DOK6: variants seen among roughly 807,000 people sequenced by gnomAD.
DOK6 encodes the protein downstream of tyrosine kinase 6.
DOK6 carries 22 observed loss-of-function variants against 44.0 expected under a neutral mutation model. The observed-to-expected ratio is 0.50, with a 90% confidence interval of 0.36 to 0.71. DOK6 has a LOEUF of 0.71. Among genes scored for constraint, DOK6 ranks in the 30% least tolerant of loss-of-function variants. The pLI, the probability that DOK6 is intolerant of heterozygous loss-of-function variation, is 0.00. For missense variants in DOK6, 340 were observed against 416.4 expected (o/e 0.82, Z 1.60); for synonymous variants, 166 against 145.5 (o/e 1.14, Z -1.01).
intron 7 of DOK6, among the ~76,000 whole-genome samples, chr18:69,817,484 T>A (rs1275167348): frequency 6.6e-6 from 1 of 152,112 alleles, no homozygotes; most frequent in Non-Finnish European, 1.5e-5. Context: ...AAGCTGAAAG[T>A]CTGAGGGCTC....
intron 6 of DOK6, among the ~76,000 whole-genome samples, chr18:69,747,008 C>CA (rs1458382246): frequency 1.3e-5 from 2 of 152,180 alleles, no homozygotes; most frequent in African/African-American, 4.8e-5. Flanking sequence ...ACCTCAGAGC[C>CA]ATCTCTCATT....
At chr18:69,664,906 C>T (rs1381248906) in intron 3 of DOK6, among the ~76,000 whole-genome samples, 1 of 152,114 alleles carries the variant, frequency 6.6e-6, no homozygotes, top group Non-Finnish European at 1.5e-5. Flanking sequence ...TGGCCAGGTG[C>T]GATGGCTCAC....
intron 1 of DOK6, among the ~76,000 whole-genome samples, chr18:69,543,334 T>C (rs1423747289): frequency 1.3e-5 from 2 of 151,552 alleles, no homozygotes; most frequent in African/African-American, 4.8e-5. Context: ...CACTTCACTC[T>C]CAGGCAGGTG....
At chr18:69,690,113 G>C (rs1986232659) in intron 4 of DOK6, among the ~76,000 whole-genome samples, 1 of 151,812 alleles carries the variant, frequency 6.6e-6, no homozygotes, top group African/African-American at 2.4e-5. Flanking sequence ...TGGAAATGCA[G>C]ATAAAATCCA....
chr18:69,614,977 G>A (rs1443778511), intron 3 of DOK6, among the ~76,000 whole-genome samples: 1 of 151,984 alleles, frequency 6.6e-6, no homozygotes, highest in Non-Finnish European at 1.5e-5. Context: ...TCATATAAAG[G>A]TTGTATAGTT....
chr18:69,809,565 G>GACACACACACACACAC lies in DOK6; in HGVS notation c.857-31663_857-31648dup, dbSNP rs57753226. Reference sequence around the variant, plus strand: ...AAAACCCTAAGACTTCACACACACAGACACACACACACACACACACACACA... The same window carrying GACACACACACACACAC: ...AAAACCCTAAGACTTCACACACACAGACACACACACACACACACACACACACACACACACACACACA... On this transcript the variant is annotated intron_variant, in intron 7 of 7. Transcript: ENST00000382713. 3.1e-3 allele frequency among the ~76,000 whole-genome samples: 455 copies of GACACACACACACACAC among 146,206 alleles called. 5 individuals carry two copies. Among genetic ancestry groups the GACACACACACACACAC allele is most frequent in the African/African-American group, 9.6e-3 (380 of 39,642 alleles).
intron 1 of DOK6, among the ~76,000 whole-genome samples, chr18:69,528,613 C>T (rs556454670): frequency 6.6e-6 from 1 of 152,286 alleles, no homozygotes; most frequent in South Asian, 2.1e-4. Flanking sequence ...TCTAAATAGT[C>T]CTGCATTTCA....
At chr18:69,617,321 GAGAAAGAAAAGAA>G (rs1253405050) in intron 3 of DOK6, among the ~76,000 whole-genome samples, 1 of 131,098 alleles carries the variant, frequency 7.6e-6, no homozygotes, top group Non-Finnish European at 1.7e-5. Context: ...AGAAAAGAGA[GAGAAAGAAAAGAA>G]AGAAAGAAAG....
intron 7 of DOK6, among the ~76,000 whole-genome samples, chr18:69,772,008 TAA>T (rs34816663): frequency 2.8e-3 from 318 of 111,644 alleles, no homozygotes; most frequent in African/African-American, 7.6e-3. Context: ...GAGACCTCAG[TAA>T]AAAAAAAAAA....
At chr18:69,512,315 G>A (rs532408982) in intron 1 of DOK6, among the ~76,000 whole-genome samples, 1 of 131,538 alleles carries the variant, frequency 7.6e-6, no homozygotes, top group African/African-American at 3.0e-5. Context: ...CAACCCCTTC[G>A]TCTTTGCTTT....
chr18:69,627,940 T>A (rs992161331), intron 3 of DOK6, among the ~76,000 whole-genome samples: 6 of 152,208 alleles, frequency 3.9e-5, no homozygotes, highest in African/African-American at 1.4e-4. Context: ...TACAGAGATG[T>A]CACTTCATAA....
At chr18:69,549,765 G>C (rs1426455073) in intron 1 of DOK6, among the ~76,000 whole-genome samples, 1 of 151,412 alleles carries the variant, frequency 6.6e-6, no homozygotes, top group Non-Finnish European at 1.5e-5. Flanking sequence ...CAGGGAATCA[G>C]ATCTGGAAGC....
At chr18:69,787,119 G>C (rs1271936544) in intron 7 of DOK6, among the ~76,000 whole-genome samples, 10 of 152,178 alleles carry the variant, frequency 6.6e-5, no homozygotes, top group Non-Finnish European at 1.5e-5. Flanking sequence ...GGGAGGCTGA[G>C]GCAGGAGAAT....
At chr18:69,820,473 G>C (rs750802689) in intron 7 of DOK6, among the ~76,000 whole-genome samples, 2 of 152,136 alleles carry the variant, frequency 1.3e-5, no homozygotes, top group African/African-American at 4.8e-5. Flanking sequence ...CATAGGGTGC[G>C]TAGATTACTA....
At chr18:69,823,176 G>C (rs779844179) in intron 7 of DOK6, among the ~76,000 whole-genome samples, 1 of 152,074 alleles carries the variant, frequency 6.6e-6, no homozygotes. Flanking sequence ...CTGTGTGCCT[G>C]GCATTTCACA....
chr18:69,534,582 G>T (rs773442833), intron 1 of DOK6, among the ~76,000 whole-genome samples: 44 of 150,740 alleles, frequency 2.9e-4, no homozygotes, highest in Non-Finnish European at 5.8e-4. Flanking sequence ...AGTAAAACTT[G>T]TTCTTTGTTT....
chr18:69,565,983 G>A (rs531830916), intron 2 of DOK6, among the ~76,000 whole-genome samples: 2 of 152,256 alleles, frequency 1.3e-5, no homozygotes, highest in South Asian at 4.1e-4. Flanking sequence ...GTGAGTCCAT[G>A]ATATTTAGTT....
Position 69,650,704 on chromosome 18 carries a change from C to G in DOK6, c.290-27030C>G, listed in dbSNP as rs919853868. ...GATCTTCTGCACAATATTGTGCTTA[C>G]CTTGAACAGTACTGCGTCATACACT... On this transcript the variant is annotated intron_variant, in intron 3 of 7. Coordinates refer to ENST00000382713, the MANE Select transcript of DOK6 (RefSeq NM_152721.6). Among the ~76,000 whole-genome samples the G allele has an allele frequency of 5.3e-5, 8 of 152,116 alleles. 1 individual carries two copies. The South Asian group carries it at 1.7e-3, about 31-fold the overall frequency.
chr18:69,616,768 C>A (rs1391460744), intron 3 of DOK6, among the ~76,000 whole-genome samples: 7 of 151,974 alleles, frequency 4.6e-5, no homozygotes, highest in African/African-American at 7.3e-5. Context: ...CATATGATAC[C>A]CTGTTACACA....
Sources: allele counts gnomAD v4.1 joint callset (sites outside exome capture counted in the v4.1 genomes callset), GRCh38; gene constraint gnomAD v4.1.1; transcripts MANE v1.5; gene names NCBI Gene and HGNC (gene_info 2026-07-23, HGNC 2026-07-21).